RYR3: variants seen among roughly 807,000 people sequenced by gnomAD.
The protein encoded by RYR3 is brain ryanodine receptor-calcium release channel.
RYR3 carries 207 observed loss-of-function variants against 584.3 expected under a neutral mutation model. That is an observed-to-expected ratio of 0.35 (90% CI 0.32 to 0.40). The LOEUF (loss-of-function observed/expected upper bound fraction) is 0.40. RYR3 is among the 10% of genes least tolerant of loss of function. The pLI is 1.00. For synonymous variants in RYR3, 2,416 were observed against 2,248.5 expected (o/e 1.07, Z -2.11); for missense variants, 5,616 against 6,089.2 (o/e 0.92, Z 2.59).
chr15:33,543,183 T>C (rs1367242842), intron 7 of RYR3, among the ~76,000 whole-genome samples: 1 of 152,112 alleles, frequency 6.6e-6, no homozygotes, highest in Non-Finnish European at 1.5e-5. Flanking sequence ...TACCCCCTTC[T>C]CAGCACCTTT....
intron 1 of RYR3, among the ~76,000 whole-genome samples, chr15:33,338,091 C>T (rs1971362934): frequency 6.6e-6 from 1 of 151,774 alleles, no homozygotes; most frequent in Admixed American, 6.6e-5. Flanking sequence ...ACTGCAGGCG[C>T]CCGCCACCAC....
Position 33,696,484 on chromosome 15 carries a change from G to A in RYR3, c.6127G>A (p.Gly2043Arg). ...GKEEELLMIN[G>R]LGDIMNNKVF... Reference sequence around the variant, plus strand: ...GGAAGAGGAGTTGCTCATGATCAATGGGCTGGGGTAGGTGATTCACGGTTA... The same window carrying A: ...GGAAGAGGAGTTGCTCATGATCAATAGGCTGGGGTAGGTGATTCACGGTTA... Residue 2043 changes from glycine (G) to arginine (R), a missense_variant, in exon 39 of 104, where the codon GGG becomes AGG. Coordinates refer to ENST00000634891, the MANE Select transcript of RYR3 (RefSeq NM_001036.6). The A allele has an allele frequency of 6.2e-7, 1 of 1,613,936 alleles. No homozygotes were observed. Among genetic ancestry groups the A allele is most frequent in the Non-Finnish European group, 8.5e-7 (1 of 1,179,862 alleles).
At chr15:33,832,285 C>T (rs1363369519) in intron 86 of RYR3, among the ~76,000 whole-genome samples, 1 of 143,736 alleles carries the variant, frequency 7.0e-6, no homozygotes, top group Non-Finnish European at 1.5e-5. Context: ...CAGAGCAAGA[C>T]TCAGTCTCAA....
Position 33,812,958 on chromosome 15 carries a change from G to A in RYR3, c.10353G>A (p.Val3451=). Residue 3451 remains valine (V), a synonymous_variant, in exon 73 of 104, where the codon GTG becomes GTA. Transcript: ENST00000634891. ...PFNPEKTVER[V]QRISAAVFHL... ...ATCCGGAAAAGACAGTGGAGCGTGTGCAGAGAATTTCAGCAGCTGTCTTCC... is the reference window on the plus strand; with the variant it reads ...ATCCGGAAAAGACAGTGGAGCGTGTACAGAGAATTTCAGCAGCTGTCTTCC... 1.2e-6 allele frequency: 2 copies of A among 1,614,010 alleles called. No homozygotes were observed. Among genetic ancestry groups the A allele is most frequent in the African/African-American group, 1.3e-5 (1 of 75,072 alleles).
intron 3 of RYR3, among the ~76,000 whole-genome samples, chr15:33,511,905 AGTAGCT>A (rs2053055027): frequency 1.3e-5 from 2 of 151,952 alleles, no homozygotes; most frequent in Non-Finnish European, 2.9e-5. Context: ...CAGCCTCCCG[AGTAGCT>A]GGGACTACAG....
At chr15:33,660,093 A>G (rs934205838) in intron 33 of RYR3, 104 bp from the exon 34 acceptor site, 2 of 755,602 alleles carry the variant, frequency 2.6e-6, no homozygotes, top group African/African-American at 1.8e-5. Flanking sequence ...CCCTGGATAC[A>G]TTTGTCCCTC....
At position 33,646,431 on chromosome 15, in the gene RYR3, T is replaced by C; in HGVS notation, c.3846T>C (p.Asn1282=). ...AGACATTTGGCACACAGAATAGCAA[T>C]GCCGACATGATCTATTGCCGCTTGA... ...THKTFGTQNS[N]ADMIYCRLSM... Residue 1282 remains asparagine, a synonymous_variant, in exon 29 of 104, where the codon AAT becomes AAC. Transcript: ENST00000634891. 1.9e-6 allele frequency: 3 copies of C among 1,613,966 alleles called. No homozygotes were observed. The highest frequency in any genetic ancestry group is 1.7e-6 in the Non-Finnish European group (2 of 1,179,864).
At chr15:33,318,560 C>T (rs1968519619) in intron 1 of RYR3, among the ~76,000 whole-genome samples, 1 of 152,210 alleles carries the variant, frequency 6.6e-6, no homozygotes. Flanking sequence ...CTGAGTAGGG[C>T]ACCGCATTGG....
rs1382329295 is a variant in RYR3, at chr15:33,734,178, TTC to T, written c.7425-2056_7425-2055del. Among the ~76,000 whole-genome samples, 5 of 150,322 alleles carry T rather than the reference TTC, an allele frequency of 3.3e-5. No homozygotes were observed. The East Asian group carries it at 7.8e-4, about 23-fold the overall frequency. On this transcript the variant is annotated intron_variant, in intron 48 of 103. Transcript: ENST00000634891. Reference sequence around the variant, plus strand: ...AAAGGGTTTTCTCCCAGAGATCTCCTTCCCAAACCAGGCCTAATATTATGTTA... The same window carrying T: ...AAAGGGTTTTCTCCCAGAGATCTCCTCCAAACCAGGCCTAATATTATGTTA...
chr15:33,774,371 C>T (rs909017394), intron 64 of RYR3, among the ~76,000 whole-genome samples: 6 of 152,168 alleles, frequency 3.9e-5, no homozygotes, highest in East Asian at 1.9e-4. Context: ...GGAAAGAATT[C>T]GGTCTGTGCT....
intron 47 of RYR3, among the ~76,000 whole-genome samples, chr15:33,729,734 T>C (rs1353933285): frequency 2.6e-5 from 4 of 151,964 alleles, no homozygotes; most frequent in African/African-American, 9.7e-5. Context: ...CCAGGAGTCA[T>C]AGGTCCAAGG....
intron 40 of RYR3, among the ~76,000 whole-genome samples, chr15:33,698,305 G>A (rs1371835031): frequency 6.6e-6 from 1 of 152,210 alleles, no homozygotes; most frequent in East Asian, 1.9e-4. Flanking sequence ...TTCCACTTAG[G>A]AGCCTGGTGT....
At chr15:33,686,494 G>A (rs1311517245) in intron 38 of RYR3, among the ~76,000 whole-genome samples, 1 of 152,062 alleles carries the variant, frequency 6.6e-6, no homozygotes, top group African/African-American at 2.4e-5. Flanking sequence ...TTCTACCAGA[G>A]GTACAAAGAG....
intron 51 of RYR3, 56 bp from the exon 52 acceptor site, chr15:33,742,310 A>T (rs1257600556): frequency 7.3e-6 from 8 of 1,092,382 alleles, no homozygotes; most frequent in African/African-American, 1.5e-5. Context: ...ACTATCTTCT[A>T]CTATGTCTGG....
intron 1 of RYR3, among the ~76,000 whole-genome samples, chr15:33,364,153 A>C (rs551797232): frequency 2.6e-5 from 4 of 152,332 alleles, no homozygotes; most frequent in African/African-American, 9.6e-5. Context: ...GTGCTAAGTA[A>C]AATGTTTTTA....
chr15:33,594,669 A>T (rs1400257966), intron 16 of RYR3, among the ~76,000 whole-genome samples: 1 of 152,164 alleles, frequency 6.6e-6, no homozygotes, highest in African/African-American at 2.4e-5. Flanking sequence ...GAAAACCTGC[A>T]TTTAAGTGCA....
At position 33,629,935 on chromosome 15, in the gene RYR3, C is replaced by A; in HGVS notation, c.2680-5C>A. ...AATCACATTCTTTCTTATGTCACCA[C>A]CTAGATACGAGATGACAATAAAAGA... On this transcript the variant is annotated splice_region_variant and splice_polypyrimidine_tract_variant and intron_variant, in intron 21 of 103. Transcript: ENST00000634891. The A allele has an allele frequency of 1.3e-6, 2 of 1,547,242 alleles. No individual in the cohort carries two copies. The highest frequency in any genetic ancestry group is 1.8e-6 in the Non-Finnish European group (2 of 1,129,642).
At chr15:33,669,859 T>TGGTGG (rs1566919857) in intron 37 of RYR3, among the ~76,000 whole-genome samples, 1 of 29,258 alleles carries the variant, frequency 3.4e-5, no homozygotes. Flanking sequence ...GGGGGGGGGG[T>TGGTGG]GTGGGTGTGT....
At chr15:33,428,355 T>C (rs1350113333) in intron 1 of RYR3, among the ~76,000 whole-genome samples, 1 of 152,240 alleles carries the variant, frequency 6.6e-6, no homozygotes, top group South Asian at 2.1e-4. Flanking sequence ...AAGAAAGGTT[T>C]TGCTTTCTCT....
Sources: gnomAD v4.1 joint callset for allele counts (sites outside exome capture counted in the v4.1 genomes callset) on GRCh38, gnomAD v4.1.1 for gene constraint, MANE v1.5 for transcripts, NCBI Gene and HGNC (gene_info 2026-07-23, HGNC 2026-07-21) for gene names.